L3MBTL4: variants seen among roughly 807,000 people sequenced by gnomAD.
L3MBTL4 encodes the protein L3MBTL histone methyl-lysine binding protein 4, also known as lethal(3)malignant brain tumor-like protein 4.
L3MBTL4 carries 70 observed loss-of-function variants against 84.5 expected under a neutral mutation model. The ratio of observed to expected loss-of-function variants is 0.83; its 90% confidence interval spans 0.68 to 1.01. The LOEUF is 1.01. Ranked by LOEUF, L3MBTL4 falls within the 50% of genes least tolerant of loss-of-function variation. The pLI, the probability that L3MBTL4 is intolerant of heterozygous loss-of-function variation, is 0.00. For missense variants in L3MBTL4, 715 were observed against 754.8 expected, an observed-to-expected ratio of 0.95 and a Z score of 0.62; for synonymous variants, 274 against 259.8, an observed-to-expected ratio of 1.05 and a Z score of -0.52.
At chr18:6,095,387 G>A (rs559817379) in intron 14 of L3MBTL4, among the ~76,000 whole-genome samples, 4 of 135,216 alleles carry the variant, frequency 3.0e-5, no homozygotes, top group Non-Finnish European at 6.1e-5. Flanking sequence ...TCGCTCCGTC[G>A]CCCAGGCTGG....
At chr18:6,001,643 T>C (rs1416254481) in intron 16 of L3MBTL4, among the ~76,000 whole-genome samples, 8 of 151,260 alleles carry the variant, frequency 5.3e-5, no homozygotes. Context: ...AACAGAAAAA[T>C]AACTAGAATG....
intron 1 of L3MBTL4, among the ~76,000 whole-genome samples, chr18:6,383,696 A>C (rs1235481014): frequency 6.6e-6 from 1 of 152,184 alleles, no homozygotes; most frequent in East Asian, 1.9e-4. Context: ...GAAATGCAGA[A>C]ATCACCCAAC....
At chr18:6,102,622 G>A (rs34952812) in intron 14 of L3MBTL4, among the ~76,000 whole-genome samples, 48,169 of 152,146 alleles carry the variant, frequency 0.32, 10,916 homozygotes, top group African/African-American at 0.65. Context: ...TGGGCTCCTG[G>A]TATGGTTGTG....
chr18:5,999,791 G>T (rs1387482541), intron 16 of L3MBTL4, among the ~76,000 whole-genome samples: 1 of 152,230 alleles, frequency 6.6e-6, no homozygotes, highest in Non-Finnish European at 1.5e-5. Context: ...CTCCTGGGTG[G>T]CCACTGCCAG....
chr18:6,260,816 C>CT (rs2048366039), intron 5 of L3MBTL4: 1 of 152,178 alleles, frequency 6.6e-6, no homozygotes, highest in South Asian at 2.1e-4. Context: ...TGAAAATGAA[C>CT]ATTAATAGTC....
At chr18:6,228,758 C>T (rs189684843) in intron 10 of L3MBTL4, among the ~76,000 whole-genome samples, 22 of 152,142 alleles carry the variant, frequency 1.4e-4, no homozygotes, top group Middle Eastern at 6.8e-3. Context: ...CATGGAGATG[C>T]GGGGAGAGAA....
intron 9 of L3MBTL4, 90 bp from the exon 10 acceptor site, chr18:6,238,130 T>C: frequency 8.6e-7 from 1 of 1,159,402 alleles, no homozygotes; most frequent in Non-Finnish European, 1.3e-6. Flanking sequence ...TATCAACAGA[T>C]ACCACAGAAA....
chr18:6,196,197 G>C (rs1430741198), intron 12 of L3MBTL4, among the ~76,000 whole-genome samples: 1 of 130,290 alleles, frequency 7.7e-6, no homozygotes, highest in African/African-American at 3.2e-5. Flanking sequence ...TCGCTCTGTT[G>C]CCCAGGCTGT....
At chr18:6,307,352 G>A (rs866045322) in intron 3 of L3MBTL4, among the ~76,000 whole-genome samples, 5 of 150,770 alleles carry the variant, frequency 3.3e-5, no homozygotes, top group South Asian at 2.1e-4. Flanking sequence ...CAAGAGAATC[G>A]CTTGAACCTG....
intron 14 of L3MBTL4, among the ~76,000 whole-genome samples, chr18:6,123,335 C>T (rs1434913909): frequency 6.6e-6 from 1 of 152,176 alleles, no homozygotes; most frequent in Non-Finnish European, 1.5e-5. Flanking sequence ...TGTTTACCCA[C>T]TCAATCTAAT....
At chr18:5,980,400 G>C (rs1456599366) in intron 16 of L3MBTL4, among the ~76,000 whole-genome samples, 1 of 143,734 alleles carries the variant, frequency 7.0e-6, no homozygotes, top group African/African-American at 2.6e-5. Flanking sequence ...TGATTCTTTT[G>C]TTGAAAACGT....
chr18:6,043,455 G>C (rs1161353792), intron 16 of L3MBTL4, among the ~76,000 whole-genome samples: 1 of 151,994 alleles, frequency 6.6e-6, no homozygotes, highest in Non-Finnish European at 1.5e-5. Context: ...CCCTCCCCAG[G>C]CCTCATCACC....
At chr18:6,296,190 C>T (rs181487235) in intron 4 of L3MBTL4, among the ~76,000 whole-genome samples, 122 of 152,298 alleles carry the variant, frequency 8.0e-4, no homozygotes, top group Admixed American at 1.2e-3. Flanking sequence ...CAAGGAGTCA[C>T]CTTTGAAGCT....
intron 16 of L3MBTL4, among the ~76,000 whole-genome samples, chr18:6,046,938 A>G (rs1351714891): frequency 6.6e-6 from 1 of 152,178 alleles, no homozygotes; most frequent in African/African-American, 2.4e-5. Context: ...ACCCAAACAT[A>G]CATACAAAGA....
chr18:6,178,262 A>G (rs2145304421), intron 12 of L3MBTL4, among the ~76,000 whole-genome samples: 1 of 152,286 alleles, frequency 6.6e-6, no homozygotes, highest in South Asian at 2.1e-4. Flanking sequence ...ATAGCCTCCC[A>G]ATCCAATGAT....
At chr18:6,091,044 G>T (rs2058438254) in intron 15 of L3MBTL4, among the ~76,000 whole-genome samples, 2 of 152,088 alleles carry the variant, frequency 1.3e-5, no homozygotes, top group Non-Finnish European at 2.9e-5. Flanking sequence ...TGCAAAAGAG[G>T]AAAGATAGAA....
chr18:6,031,454 C>T, intron 16 of L3MBTL4: 1 of 985,438 alleles, frequency 1.0e-6, no homozygotes. Flanking sequence ...CCATTCTTTG[C>T]CTCTTGAGAA....
At chr18:6,162,762 C>A (rs1330524864) in intron 13 of L3MBTL4, among the ~76,000 whole-genome samples, 1 of 152,208 alleles carries the variant, frequency 6.6e-6, no homozygotes, top group Non-Finnish European at 1.5e-5. Flanking sequence ...CATTTGACAA[C>A]AACTGAGCGG....
intron 1 of L3MBTL4, among the ~76,000 whole-genome samples, chr18:6,398,642 T>C (rs1050429201): frequency 2.0e-5 from 3 of 151,834 alleles, no homozygotes; most frequent in African/African-American, 4.8e-5. Flanking sequence ...CTGGCAATCC[T>C]GGCCTCATTC....
Sources: allele counts gnomAD v4.1 joint callset (sites outside exome capture counted in the v4.1 genomes callset), GRCh38; gene constraint gnomAD v4.1.1; transcripts MANE v1.5; gene names NCBI Gene and HGNC (gene_info 2026-07-23, HGNC 2026-07-21).